EPHA4: variants seen among roughly 807,000 people sequenced by gnomAD.
The protein encoded by EPHA4 is EPH receptor A4.
Under a neutral mutation model 108.3 loss-of-function variants are expected in EPHA4, and 19 were observed. The ratio of observed to expected loss-of-function variants is 0.18; its 90% CI spans 0.12 to 0.26. EPHA4 has a LOEUF of 0.26. Ranked by LOEUF, EPHA4 falls within the 10% of genes least tolerant of loss-of-function variation. The probability of loss-of-function intolerance (pLI) is 1.00; values close to 1 mark genes in which losing one functional copy is unlikely to be tolerated. For synonymous variants in EPHA4, 449 were observed against 455.5 expected (o/e 0.99, Z 0.18); for missense variants, 917 against 1,254.0 (o/e 0.73, Z 4.06).
intron 6 of EPHA4, 129 bp downstream of exon 6, chr2:221,457,737 G>C: frequency 2.0e-6 from 2 of 1,010,082 alleles, no homozygotes; most frequent in Non-Finnish European, 2.8e-6. Context: ...AGGAGGATGG[G>C]AAGGAGTCGA....
intron 5 of EPHA4, among the ~76,000 whole-genome samples, chr2:221,474,683 T>C (rs1274645957): frequency 6.6e-6 from 1 of 152,158 alleles, no homozygotes; most frequent in African/African-American, 2.4e-5. Flanking sequence ...AATTGCTTTG[T>C]TGTCTGTTTG....
intron 3 of EPHA4, among the ~76,000 whole-genome samples, chr2:221,512,830 T>C (rs1344454929): frequency 6.6e-6 from 1 of 152,206 alleles, no homozygotes; most frequent in East Asian, 1.9e-4. Flanking sequence ...CAACTATTTA[T>C]TGAGCACATA....
At chr2:221,423,037 C>T (rs574359104) in intron 17 of EPHA4, among the ~76,000 whole-genome samples, 1 of 152,206 alleles carries the variant, frequency 6.6e-6, no homozygotes, top group East Asian at 1.9e-4. Context: ...TTCATTTCAC[C>T]CCACTCTGGC....
intron 2 of EPHA4, among the ~76,000 whole-genome samples, chr2:221,564,773 C>A (rs1694575357): frequency 6.7e-6 from 1 of 149,640 alleles, no homozygotes; most frequent in Non-Finnish European, 1.5e-5. Context: ...GGTATTGTTT[C>A]AACCACTGAG....
At chr2:221,467,962 G>A (rs1691361350) in intron 5 of EPHA4, among the ~76,000 whole-genome samples, 1 of 152,156 alleles carries the variant, frequency 6.6e-6, no homozygotes, top group Non-Finnish European at 1.5e-5. Context: ...AGAAGAATTT[G>A]CCTGAGCAAG....
At position 221,571,754 on chromosome 2, in the gene EPHA4, C is replaced by T. The variant is rs1694844660; in HGVS notation, c.91+404G>A. Among the ~76,000 whole-genome samples the T allele has an allele frequency of 6.6e-6, 1 of 152,210 alleles. No homozygotes were observed. The highest frequency in any genetic ancestry group is 1.5e-5 in the Non-Finnish European group (1 of 68,034). On this transcript the variant is annotated intron_variant, in intron 1 of 17. Coordinates refer to ENST00000281821, the MANE Select transcript of EPHA4 (RefSeq NM_004438.5). The surrounding 1 kb of genome is among the most constrained non-coding windows in gnomAD (Gnocchi z 6.3). ...GGCTTTCGCTAGAATCCGGGAGCAC[C>T]AAGCCTTCACTGTGCTCCAGGCTGC...
At chr2:221,428,719 T>A (rs754144248) in intron 15 of EPHA4, among the ~76,000 whole-genome samples, 32 of 152,210 alleles carry the variant, frequency 2.1e-4, no homozygotes, top group Admixed American at 4.6e-4. Context: ...AGGAGACTTT[T>A]AATTTTTTTT....
At position 221,516,302 on chromosome 2, in the gene EPHA4, C is replaced by T. The variant is rs190265017; in HGVS notation, c.824-15130G>A. On this transcript the variant is annotated intron_variant, in intron 3 of 17. Coordinates refer to ENST00000281821, the MANE Select transcript of EPHA4 (RefSeq NM_004438.5). ...ATAATTTAAAATATCTCTTTTTAAT[C>T]CTCAAAAATTCCAAGTCTATACGGT... 4.9e-3 allele frequency among the ~76,000 whole-genome samples: 752 copies of T among 151,932 alleles called. 3 individuals carry two copies. Among genetic ancestry groups the T allele is most frequent in the Middle Eastern group, 0.045 (13 of 292 alleles).
chr2:221,474,443 C>T (rs909274519), intron 5 of EPHA4, among the ~76,000 whole-genome samples: 3 of 149,698 alleles, frequency 2.0e-5, no homozygotes, highest in Non-Finnish European at 4.4e-5. Flanking sequence ...AAAAAAGTAC[C>T]GCATGTTGTT....
At chr2:221,534,811 TG>T (rs1693617685) in intron 3 of EPHA4, among the ~76,000 whole-genome samples, 1 of 152,132 alleles carries the variant, frequency 6.6e-6, no homozygotes, top group Non-Finnish European at 1.5e-5. Flanking sequence ...AAACAGTTTC[TG>T]GGGGAAAAAA....
In EPHA4 at chr2:221,443,513, A is replaced by G. The variant is rs754191255; in HGVS notation, c.1868T>C (p.Ile623Thr). ...CTTACCAACTCCTATAACTTTTTCA[A>G]TCTTAATGCAGGATGCGTCAATTTC... ...AKEIDASCIK[I>T]EKVIGVGEFG... The change falls in exon 10 of 18, where the codon ATT becomes ACT. Residue 623 changes from isoleucine (I) to threonine (T), a missense_variant. Around this residue, in one of 3 missense-constraint regions of EPHA4, gnomAD observed 758 missense variants for 1,076.7 expected, o/e 0.70. Coordinates refer to ENST00000281821, the MANE Select transcript of EPHA4 (RefSeq NM_004438.5). The G allele has an allele frequency of 6.2e-7, 1 of 1,613,904 alleles. No individual in the cohort carries two copies. Among genetic ancestry groups the G allele is most frequent in the Non-Finnish European group, 8.5e-7 (1 of 1,179,908 alleles).
intron 8 of EPHA4, among the ~76,000 whole-genome samples, chr2:221,454,834 G>T (rs914188430): frequency 6.6e-6 from 1 of 152,158 alleles, no homozygotes; most frequent in Non-Finnish European, 1.5e-5. Flanking sequence ...AAGTCAGATT[G>T]TAAGTACTTA....
At chr2:221,530,655 A>G (rs983523819) in intron 3 of EPHA4, among the ~76,000 whole-genome samples, 6 of 152,278 alleles carry the variant, frequency 3.9e-5, no homozygotes, top group Non-Finnish European at 5.9e-5. Flanking sequence ...GAATTCTTAA[A>G]TCTGAGGGCT....
rs1574558768 is a variant in EPHA4 at position 221,434,042 on chromosome 2, A to C, written c.2496+100T>G. 4 of 1,248,524 alleles carry C rather than the reference A, an allele frequency of 3.2e-6. No homozygotes were observed. In the East Asian group the frequency reaches 7.2e-5, roughly 22 times the overall value. The allele number at this position is 1,248,524 out of a possible 1,614,324, so 77.3% of individuals were successfully genotyped here. A position where few individuals can be genotyped will look rare whatever the true frequency, so the allele number is the denominator to read the frequency against. On this transcript the variant is annotated intron_variant, in intron 14 of 17. Transcript: ENST00000281821. ...TATCTGTATTAAGAAATTTGAGTTT[A>C]ATGTATCATTTCAAACCCCGTGCCC...
chr2:221,464,756 A>G (rs992078495), intron 5 of EPHA4, among the ~76,000 whole-genome samples: 28 of 152,234 alleles, frequency 1.8e-4, no homozygotes, highest in African/African-American at 6.5e-4. Context: ...CAAAGTAAAA[A>G]GTCAGCTCCA....
intron 16 of EPHA4, 75 bp downstream of exon 16, chr2:221,426,389 C>T (rs995524804): frequency 2.9e-5 from 44 of 1,497,660 alleles, no homozygotes; most frequent in South Asian, 4.1e-5. Context: ...AGGATGATTA[C>T]GCAGCTCAAA....
At position 221,456,891 on chromosome 2, in the gene EPHA4, G is replaced by T; in HGVS notation, c.1444-119C>A. 5.8e-6 allele frequency: 6 copies of T among 1,028,056 alleles called. No individual in the cohort carries two copies. In the South Asian group the frequency reaches 7.9e-5, roughly 13 times the overall value. The allele number at this position is 1,028,056 out of a possible 1,614,324, so 63.7% of individuals were successfully genotyped here. A position where few individuals can be genotyped will look rare whatever the true frequency, so the allele number is the denominator to read the frequency against. ...TCAGAAACTGAAAGTAAATGGAGAT[G>T]AATAAACTCTCTGGAGCCTGTATTC... On this transcript the variant is annotated intron_variant, in intron 6 of 17. Transcript: ENST00000281821.
chr2:221,572,434 C>G (rs1410408701), upstream of EPHA4: 5 of 473,302 alleles, frequency 1.1e-5, no homozygotes, highest in South Asian at 3.1e-5. Flanking sequence ...CTTCACCGAG[C>G]AGGGCCCGCC....
At chr2:221,532,734 C>T (rs1345870254) in intron 3 of EPHA4, 1 of 152,318 alleles carries the variant, frequency 6.6e-6, no homozygotes, top group African/African-American at 2.4e-5. Flanking sequence ...GTGCCTTAGG[C>T]TTGGCCTCCT....
Sources: allele counts gnomAD v4.1 joint callset (sites outside exome capture counted in the v4.1 genomes callset), GRCh38; gene constraint gnomAD v4.1.1; regional missense constraint gnomAD v4.1.1; non-coding constraint Gnocchi (gnomAD v3.1); transcripts MANE v1.5; gene names NCBI Gene and HGNC (gene_info 2026-07-23, HGNC 2026-07-21).